The following ARHGEF12 variants were observed in gnomAD, a reference collection of about 807,000 sequenced individuals.
ARHGEF12 encodes Rho guanine nucleotide exchange factor 12.
Under a neutral mutation model 211.2 loss-of-function variants are expected in ARHGEF12, and 66 were observed. That is an observed-to-expected ratio of 0.31 (90% CI 0.26 to 0.38). ARHGEF12 has a LOEUF of 0.38. Ranked by LOEUF, ARHGEF12 falls within the 10% of genes least tolerant of loss-of-function variation. The pLI, the probability that ARHGEF12 is intolerant of heterozygous loss-of-function variation, is 1.00. For synonymous variants in ARHGEF12, 592 were observed against 638.4 expected, an observed-to-expected ratio of 0.93 and a Z score of 1.09; for missense variants, 1,429 against 1,869.5, an observed-to-expected ratio of 0.76 and a Z score of 4.34.
At chr11:120,409,346 G>C (rs756742321) in intron 3 of ARHGEF12, 48 bp from the exon 4 acceptor site, 7 of 1,587,318 alleles carry the variant, frequency 4.4e-6, no homozygotes, top group Non-Finnish European at 6.0e-6. Context: ...CCCTTACATT[G>C]TCTCCATATT....
At chr11:120,429,002 A>G (rs1037115934) in intron 8 of ARHGEF12, among the ~76,000 whole-genome samples, 1 of 152,170 alleles carries the variant, frequency 6.6e-6, no homozygotes, top group African/African-American at 2.4e-5. Context: ...GGATTATAGG[A>G]AGACTAATTT....
intron 1 of ARHGEF12, among the ~76,000 whole-genome samples, chr11:120,384,195 G>A (rs916681900): frequency 3.6e-4 from 55 of 152,212 alleles, no homozygotes; most frequent in African/African-American, 1.3e-3. Context: ...CTTACAAGGC[G>A]ACTGCCTTTG....
chr11:120,420,517 A>G (rs1243000682), intron 4 of ARHGEF12, among the ~76,000 whole-genome samples: 1 of 152,156 alleles, frequency 6.6e-6, no homozygotes, highest in Non-Finnish European at 1.5e-5. Flanking sequence ...AGCTGTTTTT[A>G]ATATTGGAGC....
intron 30 of ARHGEF12, among the ~76,000 whole-genome samples, chr11:120,472,102 C>T (rs1484032604): frequency 6.6e-6 from 1 of 151,996 alleles, no homozygotes; most frequent in Non-Finnish European, 1.5e-5. Context: ...GTGGAACAGT[C>T]CCCAAGATAT....
At chr11:120,412,145 T>C (rs767903206) in intron 4 of ARHGEF12, among the ~76,000 whole-genome samples, 1 of 152,196 alleles carries the variant, frequency 6.6e-6, no homozygotes, top group Non-Finnish European at 1.5e-5. Flanking sequence ...CGTTTTCTGA[T>C]CTACAATTTT....
In ARHGEF12 at chr11:120,481,410, C is replaced by T; in HGVS notation, c.4388C>T (p.Ser1463Phe). 2 of 1,614,174 alleles carry T rather than the reference C, an allele frequency of 1.2e-6. No individual in the cohort carries two copies. The highest frequency in any genetic ancestry group is 1.7e-6 in the Non-Finnish European group (2 of 1,180,034). ...QQQHSPQNTHSDGAISPFTPE... is the reference protein window; with the variant it reads ...QQQHSPQNTHFDGAISPFTPE... The stretch of plus-strand genomic sequence containing the variant: ...CAACATTCTCCTCAGAATACTCACT[C>T]CGATGGGGCAATTTCACCATTCACC... Residue 1463 changes from serine (S) to phenylalanine (F), a missense_variant, in exon 39 of 41, where the codon TCC (serine) becomes TTC (phenylalanine). Physicochemically the swap from Ser to Phe is radical, Grantham distance 155. Transcript: ENST00000397843.
intron 15 of ARHGEF12, among the ~76,000 whole-genome samples, chr11:120,442,997 C>A (rs1945928076): frequency 6.6e-6 from 1 of 151,356 alleles, no homozygotes; most frequent in Non-Finnish European, 1.5e-5. Flanking sequence ...TCTACTCTTT[C>A]TCCTGATGCT....
intron 8 of ARHGEF12, among the ~76,000 whole-genome samples, chr11:120,428,552 T>C (rs1160853814): frequency 6.6e-6 from 1 of 152,186 alleles, no homozygotes; most frequent in Non-Finnish European, 1.5e-5. Flanking sequence ...GCGGGGATTT[T>C]TGTTTATTTT....
intron 4 of ARHGEF12, among the ~76,000 whole-genome samples, chr11:120,420,143 C>G (rs762826061): frequency 7.9e-5 from 12 of 152,070 alleles, no homozygotes; most frequent in Non-Finnish European, 1.6e-4. Flanking sequence ...CTATTTTTTT[C>G]TCTTTTCTGT....
rs184287276 is a variant in ARHGEF12, at chr11:120,448,436, T to C, written c.1737+88T>C. 3.6e-5 allele frequency: 34 copies of C among 936,186 alleles called. No homozygotes were observed. The African/African-American group carries it at 4.0e-4, about 11-fold the overall frequency. 58.0% of individuals were successfully genotyped at this position (936,186 alleles called of 1,614,324 possible). ...TGTCTTCCATCATCTTAGTATTTAC[T>C]TAATCAGCAAATTAATGCTAGTCAT... is the stretch of plus-strand genomic sequence containing the variant. On this transcript the variant is annotated intron_variant, in intron 20 of 40. Coordinates refer to ENST00000397843, the MANE Select transcript of ARHGEF12 (RefSeq NM_015313.3).
At chr11:120,423,935 A>G (rs1945270953) in intron 6 of ARHGEF12, among the ~76,000 whole-genome samples, 1 of 152,216 alleles carries the variant, frequency 6.6e-6, no homozygotes, top group Non-Finnish European at 1.5e-5. Flanking sequence ...ATCATGGTTG[A>G]AAAACTAAAA....
At position 120,427,433 on chromosome 11, in the gene ARHGEF12, T is replaced by A. The variant is rs1945378681; in HGVS notation, c.407-636T>A. Among the ~76,000 whole-genome samples the A allele has an allele frequency of 2.6e-5, 4 of 152,136 alleles. No individual in the cohort carries two copies. In the South Asian group the frequency reaches 8.3e-4, roughly 32 times the overall value. ...ATATGAAGATCTAGGCCAGGTGCTG[T>A]GTCTCACACCTCTAATCCTAGCACC... On this transcript the variant is annotated intron_variant, in intron 7 of 40. Coordinates refer to ENST00000397843, the MANE Select transcript of ARHGEF12 (RefSeq NM_015313.3).
At chr11:120,375,103 G>A (rs1410786771) in intron 1 of ARHGEF12, among the ~76,000 whole-genome samples, 1 of 152,150 alleles carries the variant, frequency 6.6e-6, no homozygotes, top group East Asian at 1.9e-4. Flanking sequence ...AAATAAACAT[G>A]CCCAGAATGA....
At chr11:120,478,047 T>G in intron 36 of ARHGEF12, 109 bp from the exon 37 acceptor site, 1 of 732,800 alleles carries the variant, frequency 1.4e-6, no homozygotes, top group Non-Finnish European at 2.2e-6. Flanking sequence ...AGATGATCTC[T>G]GTAGTTTATG....
At chr11:120,473,970 A>AT (rs1946952570) in intron 31 of ARHGEF12, among the ~76,000 whole-genome samples, 1 of 152,226 alleles carries the variant, frequency 6.6e-6, no homozygotes, top group Non-Finnish European at 1.5e-5. Flanking sequence ...TTTATGTCAT[A>AT]TATTAATACT....
intron 7 of ARHGEF12, among the ~76,000 whole-genome samples, chr11:120,426,233 T>C (rs911919976): frequency 2.0e-5 from 3 of 152,220 alleles, no homozygotes; most frequent in African/African-American, 4.8e-5. Context: ...CTGATGTCCA[T>C]TGAGGTGTAT....
At chr11:120,439,919 CGTT>C (rs1335014512) in intron 12 of ARHGEF12, 7 of 481,000 alleles carry the variant, frequency 1.5e-5, no homozygotes, top group East Asian at 3.4e-5. Flanking sequence ...AAAAAAAACT[CGTT>C]GTTGTGGTCT....
intron 15 of ARHGEF12, 145 bp downstream of exon 15, chr11:120,442,347 T>C (rs1591597161): frequency 5.4e-6 from 1 of 184,228 alleles, no homozygotes; most frequent in South Asian, 1.2e-4. Flanking sequence ...TACTCTAGAC[T>C]TTTTTTTTTT....
intron 1 of ARHGEF12, among the ~76,000 whole-genome samples, chr11:120,339,141 A>ATT (rs925985086): frequency 7.1e-6 from 1 of 140,954 alleles, no homozygotes; most frequent in African/African-American, 2.6e-5. Context: ...CTAATTTTAC[A>ATT]TTTTTTTTTT....
Sources: gnomAD v4.1 joint callset for allele counts (sites outside exome capture counted in the v4.1 genomes callset) on GRCh38, gnomAD v4.1.1 for gene constraint, MANE v1.5 for transcripts, NCBI Gene and HGNC (gene_info 2026-07-23, HGNC 2026-07-21) for gene names.